Variants in RTN4RL1 observed in about 807,000 individuals in gnomAD.
RTN4RL1 encodes the protein reticulon-4 receptor-like 1.
RTN4RL1 carries 7 observed loss-of-function variants against 25.6 expected under a neutral mutation model. The ratio of observed to expected loss-of-function variants is 0.27; its 90% CI spans 0.16 to 0.51. The LOEUF (loss-of-function observed/expected upper bound fraction) is 0.51. RTN4RL1 is among the 20% of genes least tolerant of loss of function. RTN4RL1 has a pLI of 0.97. For missense variants in RTN4RL1, 500 were observed against 615.6 expected, an observed-to-expected ratio of 0.81 and a Z score of 1.99; for synonymous variants, 297 against 288.2, an observed-to-expected ratio of 1.03 and a Z score of -0.31.
intron 1 of RTN4RL1, among the ~76,000 whole-genome samples, chr17:2,007,337 A>AACACACACACACAC (rs34669886): frequency 0.039 from 5,482 of 140,302 alleles, 147 homozygotes; most frequent in African/African-American, 0.048. Flanking sequence ...TCACAGCCCC[A>AACACACACACACAC]ACACACACAC....
intron 1 of RTN4RL1, among the ~76,000 whole-genome samples, chr17:1,973,634 G>A (rs1333546843): frequency 6.6e-6 from 1 of 152,156 alleles, no homozygotes; most frequent in East Asian, 1.9e-4. Flanking sequence ...TCCAAGGACA[G>A]ACGTGACTGA....
At chr17:1,963,508 C>T (rs886193807) in intron 1 of RTN4RL1, among the ~76,000 whole-genome samples, 2 of 152,244 alleles carry the variant, frequency 1.3e-5, no homozygotes, top group African/African-American at 4.8e-5. Flanking sequence ...CTACTGCCCG[C>T]CACCTTCAGG....
chr17:1,960,002 C>T (rs1037352424), intron 1 of RTN4RL1, among the ~76,000 whole-genome samples: 22 of 152,138 alleles, frequency 1.4e-4, no homozygotes, highest in Admixed American at 6.5e-4. Context: ...CTCCGATTGT[C>T]CTGTGTTCAC....
chr17:1,952,331 G>GTTTTTTTT (rs1213295319), intron 1 of RTN4RL1, among the ~76,000 whole-genome samples: 5 of 99,826 alleles, frequency 5.0e-5, no homozygotes, highest in Admixed American at 1.0e-4. Flanking sequence ...AAGGGAGGTT[G>GTTTTTTTT]GTTTTTTTTT....
At chr17:1,950,153 T>A (rs1026652657) in intron 1 of RTN4RL1, among the ~76,000 whole-genome samples, 1 of 147,510 alleles carries the variant, frequency 6.8e-6, no homozygotes, top group African/African-American at 2.5e-5. Context: ...ATTTGGAGGG[T>A]GAGTTGGGGG....
chr17:2,004,478 G>C (rs570326912), intron 1 of RTN4RL1, among the ~76,000 whole-genome samples: 7 of 152,090 alleles, frequency 4.6e-5, no homozygotes, highest in Admixed American at 3.3e-4. Context: ...TTTTCCAGTC[G>C]GGGGACCCTG....
intron 1 of RTN4RL1, among the ~76,000 whole-genome samples, chr17:1,946,814 T>TGTGTGTC (rs1444165520): frequency 7.7e-6 from 1 of 129,050 alleles, no homozygotes; most frequent in African/African-American, 2.9e-5. Context: ...TCTGTGTGAA[T>TGTGTGTC]TGTGTGTGCA....
At chr17:1,999,673 GCC>G (rs61003177) in intron 1 of RTN4RL1, among the ~76,000 whole-genome samples, 1 of 150,436 alleles carries the variant, frequency 6.6e-6, no homozygotes, top group Admixed American at 6.6e-5. Context: ...CCCTATACAT[GCC>G]CCCCCCACAC....
intron 1 of RTN4RL1, among the ~76,000 whole-genome samples, chr17:2,008,657 A>G (rs1199807180): frequency 6.6e-6 from 1 of 152,152 alleles, no homozygotes; most frequent in African/African-American, 2.4e-5. Flanking sequence ...AGGCTTTGCA[A>G]CAGTTGGGCT....
chr17:1,944,670 T>C (rs1915499688), intron 1 of RTN4RL1, among the ~76,000 whole-genome samples: 1 of 152,160 alleles, frequency 6.6e-6, no homozygotes, highest in South Asian at 2.1e-4. Flanking sequence ...TTGGCCAGGC[T>C]GGTCTCAAAC....
At chr17:1,964,925 A>C (rs558156541) in intron 1 of RTN4RL1, among the ~76,000 whole-genome samples, 2 of 146,906 alleles carry the variant, frequency 1.4e-5, no homozygotes, top group African/African-American at 5.0e-5. Context: ...AGTAACTGGG[A>C]CTACAGGCGT....
chr17:2,014,666 T>C (rs912134960), intron 1 of RTN4RL1, among the ~76,000 whole-genome samples: 1 of 152,082 alleles, frequency 6.6e-6, no homozygotes, highest in African/African-American at 2.4e-5. Context: ...ACCTTGTCTC[T>C]ACTAAAAATA....
intron 1 of RTN4RL1, among the ~76,000 whole-genome samples, chr17:2,021,683 G>T (rs868161996): frequency 4.7e-5 from 7 of 150,314 alleles, no homozygotes; most frequent in East Asian, 2.0e-4. Context: ...ACTTCCCAAG[G>T]AGCTGGGATT....
At chr17:1,950,216 G>T (rs1416336502) in intron 1 of RTN4RL1, among the ~76,000 whole-genome samples, 1 of 152,178 alleles carries the variant, frequency 6.6e-6, no homozygotes, top group Non-Finnish European at 1.5e-5. Flanking sequence ...CCTGAAGAGG[G>T]CAGGGGCCAT....
At position 2,015,363 on chromosome 17, in the gene RTN4RL1, G is replaced by A. The variant is rs1196175235; in HGVS notation, c.13+9490C>T. 3.9e-5 allele frequency among the ~76,000 whole-genome samples: 6 copies of A among 152,308 alleles called. No homozygotes were observed. In the East Asian group the frequency reaches 9.7e-4, roughly 25 times the overall value. On this transcript the variant is annotated intron_variant, in intron 1 of 1. Coordinates refer to ENST00000331238, the MANE Select transcript of RTN4RL1 (RefSeq NM_178568.4). ...TGAGGGCACTGGGGGTCGGTGGGCAGGTGGCTCTGGACATCAGAGGCTGGA... is the reference window on the plus strand; with the variant it reads ...TGAGGGCACTGGGGGTCGGTGGGCAAGTGGCTCTGGACATCAGAGGCTGGA...
chr17:1,992,819 G>T (rs1432813093), intron 1 of RTN4RL1, among the ~76,000 whole-genome samples: 1 of 152,212 alleles, frequency 6.6e-6, no homozygotes, highest in Non-Finnish European at 1.5e-5. Context: ...TCGCCCACGT[G>T]TGTCCTACGC....
intron 1 of RTN4RL1, among the ~76,000 whole-genome samples, chr17:2,014,047 C>T (rs1329398162): frequency 6.6e-6 from 1 of 152,196 alleles, no homozygotes; most frequent in Admixed American, 6.5e-5. Flanking sequence ...GGATCATTTC[C>T]CAAATAAACT....
At chr17:2,003,024 A>G (rs567385249) in intron 1 of RTN4RL1, 1 of 151,882 alleles carries the variant, frequency 6.6e-6, no homozygotes, top group Non-Finnish European at 1.5e-5. Context: ...TGTTCTTTCC[A>G]AGGGAGTGGT....
intron 1 of RTN4RL1, among the ~76,000 whole-genome samples, chr17:1,953,754 G>A (rs1003583138): frequency 3.3e-5 from 5 of 152,026 alleles, no homozygotes; most frequent in African/African-American, 7.2e-5. Flanking sequence ...TAGTAGAGGC[G>A]GGGTTTCACC....
Sources: gnomAD v4.1 joint callset for allele counts (sites outside exome capture counted in the v4.1 genomes callset) on GRCh38, gnomAD v4.1.1 for gene constraint, MANE v1.5 for transcripts, NCBI Gene and HGNC (gene_info 2026-07-23, HGNC 2026-07-21) for gene names.